Variants in CYP4X1 observed in about 807,000 individuals in gnomAD.
CYP4X1 encodes cytochrome P450 4X1.
A neutral mutation model predicts 57.9 loss-of-function variants in CYP4X1; 44 were observed. That is an observed-to-expected ratio of 0.76 (90% CI 0.60 to 0.98). CYP4X1 has a LOEUF of 0.98. CYP4X1 is among the 50% of genes least tolerant of loss of function. CYP4X1 has a pLI of 0.00. For missense variants in CYP4X1, 532 were observed against 623.9 expected, an observed-to-expected ratio of 0.85 and a Z score of 1.57; for synonymous variants, 227 against 228.6, an observed-to-expected ratio of 0.99 and a Z score of 0.06.
At chr1:46,999,684 T>G in the CYP4X1 span, among the ~76,000 whole-genome samples, 1 of 152,144 alleles carries the variant, frequency 6.6e-6, no homozygotes, top group Non-Finnish European at 1.5e-5. Context: ...TTTATATTTT[T>G]GATGTAGGCA....
chr1:46,985,756 A>C, the CYP4X1 span, among the ~76,000 whole-genome samples: 2 of 152,356 alleles, frequency 1.3e-5, no homozygotes, highest in Middle Eastern at 6.8e-3. Flanking sequence ...AGCAAACTCC[A>C]GCAGACCTGC....
the CYP4X1 span, among the ~76,000 whole-genome samples, chr1:46,987,546 G>A: frequency 3.2e-4 from 48 of 151,998 alleles, no homozygotes; most frequent in Non-Finnish European, 5.7e-4. Context: ...AATAGACATC[G>A]ACAGAACTCT....
intron 11 of CYP4X1, 59 bp downstream of exon 11, chr1:47,049,563 T>A: frequency 6.9e-7 from 1 of 1,455,150 alleles, no homozygotes; most frequent in Non-Finnish European, 9.7e-7. Context: ...GAGTAGTTTA[T>A]TCCTTTCAGC....
At chr1:47,021,555 C>A (rs995732258), upstream of CYP4X1, among the ~76,000 whole-genome samples, 1 of 152,156 alleles carries the variant, frequency 6.6e-6, no homozygotes, top group Non-Finnish European at 1.5e-5. Flanking sequence ...TACCTTGCAT[C>A]TTTTTTTGGA....
At chr1:47,039,762 A>G (rs180846757) in intron 8 of CYP4X1, 28 of 337,642 alleles carry the variant, frequency 8.3e-5, no homozygotes, top group Middle Eastern at 7.9e-4. Context: ...TGGTTTTCTA[A>G]TCAATGGTGT....
the CYP4X1 span, chr1:46,961,844 C>T: frequency 1.7e-6 from 2 of 1,160,170 alleles, no homozygotes; most frequent in Non-Finnish European, 2.2e-6. Context: ...GTTGGTTATC[C>T]CATCAAACAG....
the CYP4X1 span, among the ~76,000 whole-genome samples, chr1:46,973,870 T>G: frequency 2.0e-5 from 3 of 151,998 alleles, no homozygotes; most frequent in African/African-American, 4.8e-5. Flanking sequence ...TTCAGAGAAC[T>G]AAATTTTGTT....
intron 7 of CYP4X1, 53 bp from the exon 8 acceptor site, chr1:47,039,289 C>T (rs2148511856): frequency 6.8e-7 from 1 of 1,470,860 alleles, no homozygotes; most frequent in Non-Finnish European, 9.1e-7. Context: ...GTTGTATCTC[C>T]AAACATTTAT....
At chr1:46,974,292 C>T in the CYP4X1 span, among the ~76,000 whole-genome samples, 4 of 151,626 alleles carry the variant, frequency 2.6e-5, no homozygotes, top group African/African-American at 7.2e-5. Flanking sequence ...TGCTTGGTAT[C>T]ACTTTGGTGT....
the CYP4X1 span, among the ~76,000 whole-genome samples, chr1:47,011,083 AC>A: frequency 6.6e-6 from 1 of 152,218 alleles, no homozygotes; most frequent in South Asian, 2.1e-4. Context: ...GAACCAAAAA[AC>A]AGCCCGCATT....
the CYP4X1 span, among the ~76,000 whole-genome samples, chr1:46,992,907 G>A: frequency 6.6e-6 from 1 of 152,030 alleles, no homozygotes; most frequent in Non-Finnish European, 1.5e-5. Flanking sequence ...AAATATTTGT[G>A]ATTTTCCACT....
chr1:47,018,406 A>G, the CYP4X1 span, among the ~76,000 whole-genome samples: 1 of 152,140 alleles, frequency 6.6e-6, no homozygotes, highest in Non-Finnish European at 1.5e-5. Context: ...ACAGAAGCCT[A>G]TGTTAGTGAG....
At chr1:47,000,674 T>G in the CYP4X1 span, among the ~76,000 whole-genome samples, 4 of 151,020 alleles carry the variant, frequency 2.6e-5, no homozygotes, top group African/African-American at 9.8e-5. Context: ...CAGGCAGAAA[T>G]TGGGAGTTGG....
chr1:47,018,943 C>T (rs1643969762), upstream of CYP4X1, among the ~76,000 whole-genome samples: 1 of 152,002 alleles, frequency 6.6e-6, no homozygotes. Flanking sequence ...CAGACCAAAC[C>T]GAGGGTCAGG....
the CYP4X1 span, among the ~76,000 whole-genome samples, chr1:46,977,351 C>T: frequency 2.0e-5 from 3 of 151,892 alleles, no homozygotes; most frequent in Non-Finnish European, 4.4e-5. Flanking sequence ...GTAGACAATT[C>T]GATCAAGTGG....
chr1:47,025,857 A>G (rs933574996), intron 1 of CYP4X1, among the ~76,000 whole-genome samples: 1 of 152,098 alleles, frequency 6.6e-6, no homozygotes, highest in Admixed American at 6.5e-5. Flanking sequence ...TGGTATGCAG[A>G]TATTGTTCTA....
At chr1:46,964,288 C>A in the CYP4X1 span, among the ~76,000 whole-genome samples, 1 of 152,224 alleles carries the variant, frequency 6.6e-6, no homozygotes, top group African/African-American at 2.4e-5. Context: ...TGGTGAGAAG[C>A]TGCGTTCCTT....
the CYP4X1 span, among the ~76,000 whole-genome samples, chr1:46,992,785 T>G: frequency 2.0e-5 from 3 of 152,318 alleles, no homozygotes; most frequent in Admixed American, 1.3e-4. Context: ...TTCTGGATCC[T>G]ATGGCACTTG....
At chr1:47,041,034 T>C (rs767868793) in intron 8 of CYP4X1, among the ~76,000 whole-genome samples, 1 of 152,182 alleles carries the variant, frequency 6.6e-6, no homozygotes, top group Non-Finnish European at 1.5e-5. Context: ...TGTGAGATCA[T>C]GTGGAATTTG....
Sources: allele counts gnomAD v4.1 joint callset (sites outside exome capture counted in the v4.1 genomes callset), GRCh38; gene constraint gnomAD v4.1.1; transcripts MANE v1.5; gene names NCBI Gene and HGNC (gene_info 2026-07-23, HGNC 2026-07-21).